EMILIN3: variants seen among roughly 807,000 people sequenced by gnomAD.
EMILIN3 encodes the protein elastin microfibril interfacer 3.
In EMILIN3, 38 loss-of-function variants were observed where a neutral mutation model predicts 42.8. The observed-to-expected ratio is 0.89, with a 90% confidence interval of 0.69 to 1.16. The LOEUF is 1.16. Among genes scored for constraint, EMILIN3 ranks in the 50% most tolerant of loss-of-function variants. EMILIN3 has a pLI of 0.00. For missense variants in EMILIN3, 924 were observed against 999.5 expected (o/e 0.92, Z 1.02); for synonymous variants, 430 against 440.5 (o/e 0.98, Z 0.30).
intron 2 of EMILIN3, 21 bp from the exon 3 acceptor site, chr20:41,363,882 G>C: frequency 6.2e-7 from 1 of 1,607,168 alleles, no homozygotes; most frequent in Middle Eastern, 1.7e-4. Context: ...GAGGGCAAGA[G>C]AGTGGGATCC....
At position 41,362,309 on chromosome 20, in the gene EMILIN3, A is replaced by C. The variant is rs139695815; in HGVS notation, c.1260T>G (p.Leu420=). 2.9e-4 allele frequency: 470 copies of C among 1,612,756 alleles called. No individual in the cohort carries two copies. The African/African-American group carries it at 5.6e-3, about 19-fold the overall frequency. The change falls in exon 4 of 4, where the codon CTT becomes CTG. Residue 420 remains leucine (L), a synonymous_variant. Coordinates refer to ENST00000332312, the MANE Select transcript of EMILIN3 (RefSeq NM_052846.2). ...CGAGCATGGCAGCAGAGAGCCTCGT[A>C]AGCTCATCCCCGGCCGGGGCACCGG... ...RGPGAPAGDE[L]TRLSAAMLEG... is the part of the protein sequence containing the mutation.
In EMILIN3 at chr20:41,366,401, A is replaced by C; in HGVS notation, c.167+67T>G. On this transcript the variant is annotated intron_variant, in intron 1 of 3. Coordinates refer to ENST00000332312, the MANE Select transcript of EMILIN3 (RefSeq NM_052846.2). This position sits in a 1 kb window ranked among gnomAD's most constrained non-coding sequence, Gnocchi z 4.2. ...CTCGACGCCCCCCGCGGGTGCGGGCAGGTGGGAGCGGCGACGCGCGCGGGC... is the reference window on the plus strand; with the variant it reads ...CTCGACGCCCCCCGCGGGTGCGGGCCGGTGGGAGCGGCGACGCGCGCGGGC... 9.4e-7 allele frequency: 1 copy of C among 1,058,512 alleles called. No homozygotes were observed. 65.6% of individuals were successfully genotyped at this position (1,058,512 alleles called of 1,614,324 possible).
At position 41,361,664 on chromosome 20, in the gene EMILIN3, C is replaced by G; in HGVS notation, c.1905G>C (p.Glu635Asp). 1.2e-6 allele frequency: 2 copies of G among 1,605,968 alleles called. No individual in the cohort carries two copies. Among genetic ancestry groups the G allele is most frequent in the Non-Finnish European group, 1.7e-6 (2 of 1,175,560 alleles). ...GCCTGGAGCCTTGGCTGCTGACCTGCTCCTGGATGGCCTGGACTTCGGCTT... is the reference window on the plus strand; with the variant it reads ...GCCTGGAGCCTTGGCTGCTGACCTGGTCCTGGATGGCCTGGACTTCGGCTT... ...KVEAEVQAIQ[E>D]QVSSQGSRLQ... Residue 635 changes from glutamate (E) to aspartate (D), a missense_variant, in exon 4 of 4, where the codon GAG (glutamate) becomes GAC (aspartate). Glu to Asp is a conservative substitution (Grantham distance 45, BLOSUM62 2). Coordinates refer to ENST00000332312, the MANE Select transcript of EMILIN3 (RefSeq NM_052846.2).
chr20:41,363,703 G>T lies in EMILIN3; in HGVS notation c.449C>A (p.Pro150His), dbSNP rs146612336. Residue 150 changes from proline (P) to histidine (H), a missense_variant, in exon 3 of 4, where the codon CCT (proline) becomes CAT (histidine). By Grantham distance (77) the Pro-to-His change is moderately conservative (BLOSUM62 -2). Coordinates refer to ENST00000332312, the MANE Select transcript of EMILIN3 (RefSeq NM_052846.2). Reference sequence around the variant, plus strand: ...GGGGCCTGGGTCCAGCTGCCCTGAAGGAATCTGAGGCTCAGGCTCCAGCTG... The same window carrying T: ...GGGGCCTGGGTCCAGCTGCCCTGAATGAATCTGAGGCTCAGGCTCCAGCTG... ...SPQLEPEPQI[P>H]SGQLDPGPRP... is the part of the protein sequence containing the mutation. The T allele has an allele frequency of 8.0e-4, 1,292 of 1,613,928 alleles. No individual in the cohort carries two copies. Among genetic ancestry groups the T allele is most frequent in the Non-Finnish European group, 1.0e-3 (1,192 of 1,180,020 alleles).
In EMILIN3 at chr20:41,361,841, C is replaced by G; in HGVS notation, c.1728G>C (p.Thr576=). The change falls in exon 4 of 4, where the codon ACG becomes ACC. Residue 576 remains threonine, a synonymous_variant. Coordinates refer to ENST00000332312, the MANE Select transcript of EMILIN3 (RefSeq NM_052846.2). ...AEVQGQLAEG[T]GSSLQGEITL... ...TGATCTCGCCTTGAAGTGAGCTGCCCGTCCCTTCTGCCAGCTGTCCCTGGA... is the reference window on the plus strand; with the variant it reads ...TGATCTCGCCTTGAAGTGAGCTGCCGGTCCCTTCTGCCAGCTGTCCCTGGA... The G allele has an allele frequency of 6.2e-7, 1 of 1,613,552 alleles. No individual in the cohort carries two copies. Among genetic ancestry groups the G allele is most frequent in the African/African-American group, 1.3e-5 (1 of 75,074 alleles).
chr20:41,366,396 C>T lies in EMILIN3; in HGVS notation c.167+72G>A. The T allele has an allele frequency of 4.7e-6, 5 of 1,057,198 alleles. No homozygotes were observed. Among genetic ancestry groups the T allele is most frequent in the Non-Finnish European group, 4.6e-6 (4 of 869,952 alleles). The allele number at this position is 1,057,198 out of a possible 1,614,324, so 65.5% of individuals were successfully genotyped here. On this transcript the variant is annotated intron_variant, in intron 1 of 3. Coordinates refer to ENST00000332312, the MANE Select transcript of EMILIN3 (RefSeq NM_052846.2). The surrounding 1 kb of genome is among the most constrained non-coding windows in gnomAD (Gnocchi z 4.2). ...GGGGCCTCGACGCCCCCCGCGGGTG[C>T]GGGCAGGTGGGAGCGGCGACGCGCG...
chr20:41,362,074 C>G lies in EMILIN3; in HGVS notation c.1495G>C (p.Ala499Pro). The G allele has an allele frequency of 3.7e-6, 6 of 1,608,000 alleles. No homozygotes were observed. The highest frequency in any genetic ancestry group is 5.1e-6 in the Non-Finnish European group (6 of 1,175,156). Residue 499 changes from alanine (A) to proline (P), a missense_variant, in exon 4 of 4, where the codon GCT becomes CCT. Physicochemically the swap from Ala to Pro is conservative, Grantham distance 27. Coordinates refer to ENST00000332312, the MANE Select transcript of EMILIN3 (RefSeq NM_052846.2). ...SHDSASPGRS[A>P]RPLVQTELAV... ...AGCTCTGTCTGTACAAGGGGCCGAG[C>G]TGACCTGCCCGGAGAGGCGCTGTCA...
chr20:41,360,471 T>TC lies in EMILIN3; in HGVS notation c.*796_*797insG, dbSNP rs1555881888. 1 of 152,046 alleles carries TC rather than the reference T, an allele frequency of 6.6e-6. No individual in the cohort carries two copies. Among genetic ancestry groups the TC allele is most frequent in the Non-Finnish European group, 1.5e-5 (1 of 67,958 alleles). 9.4% of individuals were successfully genotyped at this position (152,046 alleles called of 1,614,324 possible). A position where few individuals can be genotyped will look rare whatever the true frequency, so the allele number is the denominator to read the frequency against. ...GGAAAGGAAAAGGATAAATTTGGAG[T>TC]GGGGGGTCTCTAAACAGATTGCCTG... On this transcript the variant is annotated 3_prime_UTR_variant, in exon 4 of 4. Transcript: ENST00000332312.
chr20:41,362,909 A>T lies in EMILIN3; in HGVS notation c.660T>A (p.Pro220=). 6.2e-7 allele frequency: 1 copy of T among 1,613,660 alleles called. No individual in the cohort carries two copies. The highest frequency in any genetic ancestry group is 8.5e-7 in the Non-Finnish European group (1 of 1,179,784). The change falls in exon 4 of 4, where the codon CCT becomes CCA. Residue 220 remains proline, a synonymous_variant. Coordinates refer to ENST00000332312, the MANE Select transcript of EMILIN3 (RefSeq NM_052846.2). ...TGACCCCAAAGCCCACAGGGACAGC[A>T]GGAGCCCTGGGGCCACCAGTCATCC... ...PNRMTGGPRA[P]AVPVGFGVIP... is the part of the protein sequence containing the mutation.
At position 41,361,123 on chromosome 20, in the gene EMILIN3, C is replaced by A. The variant is rs796581744; in HGVS notation, c.*145G>T. ...GCATGGGTTTTGGTGGCTGGGACAG[C>A]CACGTGGAGGATTCCCTCAGTGGCC... is the stretch of plus-strand genomic sequence containing the variant. On this transcript the variant is annotated 3_prime_UTR_variant, in exon 4 of 4. Coordinates refer to ENST00000332312, the MANE Select transcript of EMILIN3 (RefSeq NM_052846.2). 11 of 769,502 alleles carry A rather than the reference C, an allele frequency of 1.4e-5. No individual in the cohort carries two copies. In the African/African-American group the frequency reaches 1.9e-4, roughly 13 times the overall value. The allele number at this position is 769,502 out of a possible 1,614,324, so 47.7% of individuals were successfully genotyped here. A position where few individuals can be genotyped will look rare whatever the true frequency, so the allele number is the denominator to read the frequency against.
chr20:41,362,337 C>A lies in EMILIN3; in HGVS notation c.1232G>T (p.Gly411Val). ...CTCATCCCCGGCCGGGGCACCGGGG[C>A]CCCTTTGGGTCTCGGTGACTGCCTG... ...ALQAVTETQRGPGAPAGDELT... is the reference protein window; with the variant it reads ...ALQAVTETQRVPGAPAGDELT... Residue 411 changes from glycine to valine, a missense_variant, in exon 4 of 4, where the codon GGC becomes GTC. Physicochemically the swap from Gly to Val is moderately radical, Grantham distance 109 (BLOSUM62 -3). Coordinates refer to ENST00000332312, the MANE Select transcript of EMILIN3 (RefSeq NM_052846.2). 1.2e-6 allele frequency: 2 copies of A among 1,610,930 alleles called. No individual in the cohort carries two copies. The highest frequency in any genetic ancestry group is 1.1e-5 in the South Asian group (1 of 91,070).
Position 41,362,201 on chromosome 20 carries a change from C to T in EMILIN3, c.1368G>A (p.Leu456=), listed in dbSNP as rs764128993. The T allele has an allele frequency of 1.2e-6, 2 of 1,614,032 alleles. No homozygotes were observed. The highest frequency in any genetic ancestry group is 2.2e-5 in the South Asian group (2 of 91,076). Residue 456 remains leucine, a synonymous_variant, in exon 4 of 4, where the codon TTG becomes TTA. Transcript: ENST00000332312. ...CGCCCACTCCCCACCCCCCCATGTC[C>T]AACCTCAGACAGCATCCCCTTGCTC... ...EGGARGCCLR[L]DMGGWGVGGF... is the part of the protein sequence containing the mutation.
Position 41,360,844 on chromosome 20 carries a change from A to C in EMILIN3, c.*424T>G. 1 of 194,912 alleles carries C rather than the reference A, an allele frequency of 5.1e-6. No homozygotes were observed. The highest frequency in any genetic ancestry group is 1.0e-5 in the Non-Finnish European group (1 of 95,556). 12.1% of individuals were successfully genotyped at this position (194,912 alleles called of 1,614,324 possible). A position where few individuals can be genotyped will look rare whatever the true frequency, so the allele number is the denominator to read the frequency against. On this transcript the variant is annotated 3_prime_UTR_variant, in exon 4 of 4. Transcript: ENST00000332312. Reference sequence around the variant, plus strand: ...GACAGGCCACTGGCTGTGGGCCTGTAGGTCTCTGCACAGTTGCTGAGGCTG... The same window carrying C: ...GACAGGCCACTGGCTGTGGGCCTGTCGGTCTCTGCACAGTTGCTGAGGCTG...
In EMILIN3 at chr20:41,366,376, C is replaced by T; in HGVS notation, c.167+92G>A. ...GCAGCGGCCTCGGGGTGCCCGGGGC[C>T]TCGACGCCCCCCGCGGGTGCGGGCA... On this transcript the variant is annotated intron_variant, in intron 1 of 3. Coordinates refer to ENST00000332312, the MANE Select transcript of EMILIN3 (RefSeq NM_052846.2). This position sits in a 1 kb window ranked among gnomAD's most constrained non-coding sequence, Gnocchi z 4.2. 1 of 996,912 alleles carries T rather than the reference C, an allele frequency of 1.0e-6. No individual in the cohort carries two copies. The highest frequency in any genetic ancestry group is 1.2e-6 in the Non-Finnish European group (1 of 819,028). 61.8% of individuals were successfully genotyped at this position (996,912 alleles called of 1,614,324 possible).
intron 1 of EMILIN3, among the ~76,000 whole-genome samples, chr20:41,365,586 G>A (rs917973412): frequency 8.5e-5 from 13 of 152,146 alleles, no homozygotes; most frequent in African/African-American, 3.1e-4. Flanking sequence ...GGCTCCCGGG[G>A]AAATCCACCT....
Position 41,366,577 on chromosome 20 carries a change from C to A in EMILIN3, c.58G>T (p.Ala20Ser). 1.8e-6 allele frequency: 2 copies of A among 1,118,048 alleles called. No homozygotes were observed. Among genetic ancestry groups the A allele is most frequent in the Non-Finnish European group, 2.2e-6 (2 of 916,486 alleles). 69.3% of individuals were successfully genotyped at this position (1,118,048 alleles called of 1,614,324 possible). Residue 20 changes from alanine to serine, a missense_variant, in exon 1 of 4, where the codon GCG becomes TCG. Ala to Ser is a moderately conservative substitution (Grantham distance 99, BLOSUM62 1). Transcript: ENST00000332312. The surrounding 1 kb of genome is among the most constrained non-coding windows in gnomAD (Gnocchi z 4.2). ...LCAVAALLSG[A>S]QARGTPLLAR... ...AGGAGCGGGGTGCCCCTGGCCTGCG[C>A]CCCCGAGAGCAGCGCCGCGACGGCG...
chr20:41,363,619 T>A lies in EMILIN3; in HGVS notation c.514+19A>T. The stretch of plus-strand genomic sequence containing the variant: ...CAAGAAACCCAATCACCTTGGAGGG[T>A]CTCCTTGGGCAGACTCACCATGAGG... On this transcript the variant is annotated intron_variant, in intron 3 of 3. Transcript: ENST00000332312. 6.3e-7 allele frequency: 1 copy of A among 1,586,994 alleles called. No homozygotes were observed. Among genetic ancestry groups the A allele is most frequent in the Non-Finnish European group, 8.6e-7 (1 of 1,163,928 alleles).
intron 3 of EMILIN3, 24 bp from the exon 4 acceptor site, chr20:41,363,078 G>T (rs762425872): frequency 6.6e-7 from 1 of 1,514,566 alleles, no homozygotes. Flanking sequence ...GAGAGCCCCA[G>T]GGGCATCACT....
chr20:41,363,884 G>C, intron 2 of EMILIN3, 23 bp from the exon 3 acceptor site: 5 of 1,605,722 alleles, frequency 3.1e-6, no homozygotes, highest in Non-Finnish European at 4.3e-6. Context: ...GGGCAAGAGA[G>C]TGGGATCCTG....
Sources: allele counts gnomAD v4.1 joint callset (sites outside exome capture counted in the v4.1 genomes callset), GRCh38; gene constraint gnomAD v4.1.1; non-coding constraint Gnocchi (gnomAD v3.1); transcripts MANE v1.5; gene names NCBI Gene and HGNC (gene_info 2026-07-23, HGNC 2026-07-21).